LRRC4C: variants seen among roughly 807,000 people sequenced by gnomAD.
LRRC4C encodes the protein leucine-rich repeat-containing protein 4C.
In LRRC4C, 5 loss-of-function variants were observed where a neutral mutation model predicts 33.6. The ratio of observed to expected loss-of-function variants is 0.15; its 90% CI spans 0.08 to 0.31. The LOEUF (loss-of-function observed/expected upper bound fraction) is 0.31, where lower values mean the gene tolerates loss of function less well. Among genes scored for constraint, LRRC4C ranks in the 10% least tolerant of loss-of-function variants. The pLI is 1.00. For missense variants in LRRC4C, 560 were observed against 796.7 expected (o/e 0.70, Z 3.58); for synonymous variants, 329 against 302.0 (o/e 1.09, Z -0.93).
chr11:41,331,021 T>A (rs1951277663), intron 1 of LRRC4C, among the ~76,000 whole-genome samples: 1 of 152,180 alleles, frequency 6.6e-6, no homozygotes, highest in African/African-American at 2.4e-5. Context: ...GATTCCTCCT[T>A]GGATAAAATC....
At chr11:40,861,974 C>T (rs2135853051) in intron 2 of LRRC4C, among the ~76,000 whole-genome samples, 1 of 152,260 alleles carries the variant, frequency 6.6e-6, no homozygotes, top group African/African-American at 2.4e-5. Context: ...CAGGTCCCAC[C>T]TCTCCTATGG....
chr11:40,201,864 C>T (rs1460093365), intron 5 of LRRC4C, among the ~76,000 whole-genome samples: 2 of 152,158 alleles, frequency 1.3e-5, no homozygotes, highest in Non-Finnish European at 2.9e-5. Context: ...TTCCAGGCAA[C>T]AAATGCCACC....
intron 2 of LRRC4C, among the ~76,000 whole-genome samples, chr11:40,880,527 AATAAGATTTTTAAAT>A (rs1394014429): frequency 5.5e-4 from 65 of 117,428 alleles, no homozygotes; most frequent in African/African-American, 1.4e-3. Flanking sequence ...CCCTCCACAG[AATAAGATTTTTAAAT>A]GAAAAAAAAA....
intron 1 of LRRC4C, among the ~76,000 whole-genome samples, chr11:41,034,606 C>T (rs1178541309): frequency 1.8e-5 from 2 of 108,476 alleles, no homozygotes; most frequent in Non-Finnish European, 3.7e-5. Flanking sequence ...AATATGGTGA[C>T]GTATATATAT....
At chr11:40,907,257 C>A (rs554812104) in intron 2 of LRRC4C, among the ~76,000 whole-genome samples, 1 of 152,258 alleles carries the variant, frequency 6.6e-6, no homozygotes, top group South Asian at 2.1e-4. Flanking sequence ...TGCTGAGTAA[C>A]TTTTTCCTGT....
chr11:41,198,661 C>T (rs1946282555), intron 1 of LRRC4C, among the ~76,000 whole-genome samples: 1 of 151,752 alleles, frequency 6.6e-6, no homozygotes, highest in Non-Finnish European at 1.5e-5. Flanking sequence ...AAAACACACA[C>T]TCAATTTTGG....
At chr11:40,648,352 T>C (rs1181014555) in intron 2 of LRRC4C, 74 bp from the exon 3 acceptor site, 1 of 152,156 alleles carries the variant, frequency 6.6e-6, no homozygotes, top group Non-Finnish European at 1.5e-5. Flanking sequence ...TTTTAACACC[T>C]AGAGCTCACA....
chr11:40,747,033 G>A (rs1948461417), intron 2 of LRRC4C, among the ~76,000 whole-genome samples: 1 of 152,168 alleles, frequency 6.6e-6, no homozygotes, highest in Admixed American at 6.5e-5. Flanking sequence ...CCACCTGGTG[G>A]CTCGTGAATC....
chr11:41,001,290 T>G (rs1841714), intron 1 of LRRC4C, among the ~76,000 whole-genome samples: 22,881 of 152,104 alleles, frequency 0.15, 1,856 homozygotes, highest in Middle Eastern at 0.22. Flanking sequence ...AGTGAAGGAT[T>G]CCTCAGAAAA....
intron 1 of LRRC4C, among the ~76,000 whole-genome samples, chr11:41,341,705 A>G (rs1262639911): frequency 2.6e-5 from 4 of 152,242 alleles, no homozygotes; most frequent in African/African-American, 9.6e-5. Flanking sequence ...GCAAGCCCCA[A>G]TTATAATAGC....
intron 2 of LRRC4C, among the ~76,000 whole-genome samples, chr11:40,864,214 G>A (rs182847171): frequency 2.0e-5 from 3 of 152,162 alleles, no homozygotes; most frequent in Non-Finnish European, 4.4e-5. Context: ...GACTACAGGT[G>A]TGTGCCACCA....
At chr11:40,364,918 A>G (rs1405994802) in intron 3 of LRRC4C, among the ~76,000 whole-genome samples, 1 of 151,476 alleles carries the variant, frequency 6.6e-6, no homozygotes, top group African/African-American at 2.4e-5. Flanking sequence ...AAATACATGT[A>G]TGTAAAAAAA....
At chr11:41,119,134 T>G (rs2135749828) in intron 1 of LRRC4C, among the ~76,000 whole-genome samples, 1 of 152,304 alleles carries the variant, frequency 6.6e-6, no homozygotes, top group Non-Finnish European at 1.5e-5. Flanking sequence ...ACTTTTTCAT[T>G]GCCGTTTGCT....
intron 1 of LRRC4C, among the ~76,000 whole-genome samples, chr11:41,382,891 G>T (rs1591394147): frequency 6.6e-6 from 1 of 152,168 alleles, no homozygotes; most frequent in East Asian, 1.9e-4. Context: ...TCACAGATCT[G>T]CATTACACAA....
At chr11:41,070,636 C>T (rs1938609191) in intron 1 of LRRC4C, among the ~76,000 whole-genome samples, 1 of 151,986 alleles carries the variant, frequency 6.6e-6, no homozygotes, top group Admixed American at 6.6e-5. Flanking sequence ...CAAAATAAGA[C>T]ATTTATGTGA....
At chr11:40,336,825 A>G (rs373367514) in intron 3 of LRRC4C, among the ~76,000 whole-genome samples, 1 of 151,876 alleles carries the variant, frequency 6.6e-6, no homozygotes, top group African/African-American at 2.4e-5. Context: ...AAATACAAAA[A>G]AATTAGTCGG....
intron 1 of LRRC4C, among the ~76,000 whole-genome samples, chr11:41,044,218 C>T (rs1857622304): frequency 6.6e-6 from 1 of 151,970 alleles, no homozygotes; most frequent in Admixed American, 6.6e-5. Context: ...ATTCTAGTAA[C>T]ATGAAAAAGA....
At chr11:40,467,141 C>T (rs1952691237) in intron 3 of LRRC4C, among the ~76,000 whole-genome samples, 1 of 152,034 alleles carries the variant, frequency 6.6e-6, no homozygotes. Flanking sequence ...GAATTATGGA[C>T]TCTTAGACTG....
chr11:40,321,387 CTAATT>C (rs1172927290), intron 3 of LRRC4C, among the ~76,000 whole-genome samples: 1 of 152,262 alleles, frequency 6.6e-6, no homozygotes, highest in East Asian at 1.9e-4. Flanking sequence ...ATAAAAGAAA[CTAATT>C]TAAGCTTGCA....
Sources: allele counts gnomAD v4.1 joint callset (sites outside exome capture counted in the v4.1 genomes callset), GRCh38; gene constraint gnomAD v4.1.1; transcripts MANE v1.5; gene names NCBI Gene and HGNC (gene_info 2026-07-23, HGNC 2026-07-21).